The following MPPED2 variants were observed in gnomAD, a reference collection of about 807,000 sequenced individuals.
The protein encoded by MPPED2 is metallophosphoesterase domain containing 2, also known as metallophosphoesterase MPPED2.
In MPPED2, 5 loss-of-function variants were observed where a neutral mutation model predicts 33.0. That is an observed-to-expected ratio of 0.15 (90% CI 0.08 to 0.32). The LOEUF (loss-of-function observed/expected upper bound fraction) is 0.32. MPPED2 is among the 10% of genes least tolerant of loss of function. The pLI is 1.00. For missense variants in MPPED2, 275 were observed against 372.1 expected (o/e 0.74, Z 2.15); for synonymous variants, 136 against 141.9 (o/e 0.96, Z 0.29).
chr11:30,438,682 T>C (rs1187524467), intron 4 of MPPED2, among the ~76,000 whole-genome samples: 1 of 152,236 alleles, frequency 6.6e-6, no homozygotes, highest in Non-Finnish European at 1.5e-5. Flanking sequence ...GTGAAAGACA[T>C]TACTATTCTC....
intron 3 of MPPED2, chr11:30,504,733 C>CA: frequency 7.9e-7 from 1 of 1,272,508 alleles, no homozygotes; most frequent in South Asian, 1.2e-5. Context: ...CGTTAATACT[C>CA]ACACTTGCTG....
chr11:30,561,838 A>G (rs1332018362), intron 2 of MPPED2, among the ~76,000 whole-genome samples: 1 of 152,196 alleles, frequency 6.6e-6, no homozygotes, highest in African/African-American at 2.4e-5. Flanking sequence ...TGCCAACACC[A>G]ATGATAGAGA....
At chr11:30,499,762 A>C (rs1049892939) in intron 3 of MPPED2, among the ~76,000 whole-genome samples, 2 of 152,206 alleles carry the variant, frequency 1.3e-5, no homozygotes, top group Admixed American at 6.5e-5. Context: ...ACTTCTTAAA[A>C]GAGGATTCCA....
intron 3 of MPPED2, among the ~76,000 whole-genome samples, chr11:30,505,746 A>G (rs1952794663): frequency 6.6e-6 from 1 of 152,212 alleles, no homozygotes; most frequent in African/African-American, 2.4e-5. Flanking sequence ...CATCTGGATC[A>G]GTTGTGTGCA....
chr11:30,571,347 C>A (rs2134817918), intron 2 of MPPED2, among the ~76,000 whole-genome samples: 1 of 151,952 alleles, frequency 6.6e-6, no homozygotes, highest in East Asian at 1.9e-4. Flanking sequence ...TGAATAAAAC[C>A]AATCTTCAAA....
At chr11:30,583,685 T>A (rs1957302283) in intron 1 of MPPED2, among the ~76,000 whole-genome samples, 1 of 152,148 alleles carries the variant, frequency 6.6e-6, no homozygotes, top group Non-Finnish European at 1.5e-5. Flanking sequence ...AGCTGAGGAA[T>A]TAAATAACTG....
chr11:30,521,103 G>A, intron 3 of MPPED2, among the ~76,000 whole-genome samples: 1 of 152,158 alleles, frequency 6.6e-6, no homozygotes, highest in East Asian at 1.9e-4. Flanking sequence ...CTACTAGGAG[G>A]AATGCTAGAA....
At chr11:30,439,659 A>G (rs1949478084) in intron 4 of MPPED2, among the ~76,000 whole-genome samples, 1 of 152,264 alleles carries the variant, frequency 6.6e-6, no homozygotes, top group African/African-American at 2.4e-5. Context: ...CATAGTAAGC[A>G]TACTATATAA....
intron 4 of MPPED2, among the ~76,000 whole-genome samples, chr11:30,460,923 C>A (rs999422673): frequency 3.9e-5 from 6 of 152,202 alleles, no homozygotes; most frequent in African/African-American, 1.4e-4. Context: ...GGTATTTGTA[C>A]AACCACAATC....
At chr11:30,463,169 C>G (rs911537102) in intron 4 of MPPED2, among the ~76,000 whole-genome samples, 5 of 152,182 alleles carry the variant, frequency 3.3e-5, no homozygotes, top group Admixed American at 3.3e-4. Flanking sequence ...CGGCTATCCA[C>G]TCAGGGCAAT....
intron 4 of MPPED2, among the ~76,000 whole-genome samples, chr11:30,454,976 T>C (rs1414727121): frequency 2.6e-5 from 4 of 152,210 alleles, no homozygotes; most frequent in African/African-American, 7.2e-5. Flanking sequence ...GAAACTTAAA[T>C]GTACTCAACA....
At chr11:30,533,613 A>G (rs111233590) in intron 3 of MPPED2, among the ~76,000 whole-genome samples, 3 of 152,082 alleles carry the variant, frequency 2.0e-5, no homozygotes, top group Admixed American at 2.0e-4. Flanking sequence ...ATCACACACC[A>G]TCTCTTACCC....
At chr11:30,474,922 A>G (rs1015234008) in intron 4 of MPPED2, among the ~76,000 whole-genome samples, 8 of 152,196 alleles carry the variant, frequency 5.3e-5, no homozygotes, top group African/African-American at 1.4e-4. Context: ...AAGCACAACA[A>G]AACAAAAAAC....
At chr11:30,495,757 T>C (rs1247218441) in intron 3 of MPPED2, among the ~76,000 whole-genome samples, 1 of 152,230 alleles carries the variant, frequency 6.6e-6, no homozygotes, top group Non-Finnish European at 1.5e-5. Flanking sequence ...TTAAGTTTTC[T>C]AGTTCCATTT....
intron 4 of MPPED2, among the ~76,000 whole-genome samples, chr11:30,443,621 A>G (rs1949678918): frequency 6.6e-6 from 1 of 152,202 alleles, no homozygotes; most frequent in Non-Finnish European, 1.5e-5. Context: ...TTGCAGTAGT[A>G]AGGACCTGGG....
chr11:30,509,504 C>T (rs1363120979), intron 3 of MPPED2, among the ~76,000 whole-genome samples: 2 of 152,120 alleles, frequency 1.3e-5, no homozygotes, highest in African/African-American at 2.4e-5. Context: ...AAAGTTTTCA[C>T]CCCTAGGCCT....
At chr11:30,513,953 A>T (rs970495810) in intron 3 of MPPED2, among the ~76,000 whole-genome samples, 1 of 152,140 alleles carries the variant, frequency 6.6e-6, no homozygotes, top group African/African-American at 2.4e-5. Flanking sequence ...GCCATACCCA[A>T]GGGACTCCAT....
At chr11:30,479,149 G>A (rs1951362388) in intron 4 of MPPED2, among the ~76,000 whole-genome samples, 1 of 151,992 alleles carries the variant, frequency 6.6e-6, no homozygotes, top group African/African-American at 2.4e-5. Flanking sequence ...GCTGGAGGGA[G>A]GGAGATCACA....
At chr11:30,440,021 T>C (rs1949495712) in intron 4 of MPPED2, among the ~76,000 whole-genome samples, 2 of 144,208 alleles carry the variant, frequency 1.4e-5, no homozygotes, top group African/African-American at 2.4e-5. Context: ...ATCTCTCTTG[T>C]TGTTTTTATA....
Sources: gnomAD v4.1 joint callset for allele counts (sites outside exome capture counted in the v4.1 genomes callset) on GRCh38, gnomAD v4.1.1 for gene constraint, MANE v1.5 for transcripts, NCBI Gene and HGNC (gene_info 2026-07-23, HGNC 2026-07-21) for gene names.